The following CCDC178 variants were observed in gnomAD, a reference collection of about 807,000 sequenced individuals.
CCDC178 encodes coiled-coil domain containing 178.
A neutral mutation model predicts 117.4 loss-of-function variants in CCDC178; 126 were observed. That is an observed-to-expected ratio of 1.07 (90% CI 0.93 to 1.24). The LOEUF (loss-of-function observed/expected upper bound fraction) is 1.24. Ranked by LOEUF, CCDC178 falls within the 50% of genes most tolerant of loss-of-function variation. CCDC178 has a pLI of 0.00. For synonymous variants in CCDC178, 283 were observed against 313.4 expected, an observed-to-expected ratio of 0.90 and a Z score of 1.02; for missense variants, 1,030 against 986.9, an observed-to-expected ratio of 1.04 and a Z score of -0.59.
chr18:33,310,468 G>A (rs2062325307), intron 11 of CCDC178, among the ~76,000 whole-genome samples: 2 of 152,078 alleles, frequency 1.3e-5, no homozygotes, highest in Non-Finnish European at 2.9e-5. Flanking sequence ...AGGGTAGATT[G>A]CTTGAGCCCA....
intron 11 of CCDC178, among the ~76,000 whole-genome samples, chr18:33,309,609 C>A (rs1240800138): frequency 6.6e-6 from 1 of 152,034 alleles, no homozygotes; most frequent in Non-Finnish European, 1.5e-5. Flanking sequence ...CTATAAAATG[C>A]CGACATCTGA....
At chr18:33,362,308 A>T (rs1443295980) in intron 6 of CCDC178, among the ~76,000 whole-genome samples, 1 of 151,742 alleles carries the variant, frequency 6.6e-6, no homozygotes, top group Non-Finnish European at 1.5e-5. Flanking sequence ...ACACAGAAAA[A>T]TGTTGCATGA....
intron 12 of CCDC178, among the ~76,000 whole-genome samples, chr18:33,276,112 A>G (rs184473323): frequency 1.2e-3 from 190 of 152,172 alleles, no homozygotes; most frequent in African/African-American, 4.5e-3. Context: ...ACATGATGTT[A>G]GGCATGGAAA....
chr18:33,059,301 T>A (rs1266416386), intron 21 of CCDC178, among the ~76,000 whole-genome samples: 1 of 152,160 alleles, frequency 6.6e-6, no homozygotes, highest in East Asian at 1.9e-4. Flanking sequence ...CCCCGATTAG[T>A]AGCTCTGCCT....
At chr18:33,141,532 T>C (rs143597795) in intron 20 of CCDC178, among the ~76,000 whole-genome samples, 4 of 152,354 alleles carry the variant, frequency 2.6e-5, no homozygotes, top group Non-Finnish European at 5.9e-5. Context: ...CACTGCTCAC[T>C]GCTCAAGGTT....
chr18:32,967,858 GT>G (rs557982093), intron 22 of CCDC178, among the ~76,000 whole-genome samples: 1,570 of 132,100 alleles, frequency 0.012, 23 homozygotes, highest in African/African-American at 0.034. Flanking sequence ...ATATACTTTT[GT>G]TTTTTTTTTT....
intron 11 of CCDC178, among the ~76,000 whole-genome samples, chr18:33,307,344 G>T (rs1795935152): frequency 6.6e-6 from 1 of 152,198 alleles, no homozygotes; most frequent in African/African-American, 2.4e-5. Context: ...ACATTTTGGG[G>T]ATTGGAGCAA....
At chr18:33,433,456 T>G (rs1321893029) in intron 2 of CCDC178, among the ~76,000 whole-genome samples, 1 of 152,134 alleles carries the variant, frequency 6.6e-6, no homozygotes, top group Non-Finnish European at 1.5e-5. Flanking sequence ...CTAGAGGCCT[T>G]CAAACACTAA....
intron 1 of CCDC178, chr18:33,440,369 T>A (rs1174981146): frequency 1.2e-5 from 1 of 84,080 alleles, no homozygotes; most frequent in African/African-American, 4.8e-5. Flanking sequence ...ACTGGGAAAC[T>A]GGAGGACGGA....
At chr18:33,004,823 CAAAA>C (rs373903044) in intron 21 of CCDC178, among the ~76,000 whole-genome samples, 104 of 152,182 alleles carry the variant, frequency 6.8e-4, no homozygotes, top group African/African-American at 2.2e-3. Flanking sequence ...AGGCATGTCT[CAAAA>C]GAAGGCATAT....
intron 12 of CCDC178, among the ~76,000 whole-genome samples, chr18:33,273,783 A>C (rs4570945): frequency 0.83 from 125,620 of 151,596 alleles, 52,883 homozygotes; most frequent in South Asian, 0.93. Context: ...AAACATAGAT[A>C]TAAGTCTTTG....
At chr18:32,977,185 G>A (rs2055045785) in intron 21 of CCDC178, among the ~76,000 whole-genome samples, 1 of 152,036 alleles carries the variant, frequency 6.6e-6, no homozygotes, top group South Asian at 2.1e-4. Context: ...ATTTTAAAGA[G>A]GTTAACTTGC....
At chr18:33,365,718 C>G (rs985793835) in intron 6 of CCDC178, among the ~76,000 whole-genome samples, 1 of 151,892 alleles carries the variant, frequency 6.6e-6, no homozygotes, top group Non-Finnish European at 1.5e-5. Context: ...ACAGTAGCAT[C>G]CTAATGACTG....
At chr18:33,106,976 G>A (rs960593128) in intron 20 of CCDC178, among the ~76,000 whole-genome samples, 1 of 151,644 alleles carries the variant, frequency 6.6e-6, no homozygotes, top group African/African-American at 2.4e-5. Context: ...ACGAACAATT[G>A]CAAGAAATTG....
Position 32,938,006 on chromosome 18 carries a change from T to C in CCDC178, c.*5A>G, listed in dbSNP as rs1180647748. 1.2e-6 allele frequency: 2 copies of C among 1,605,632 alleles called. No individual in the cohort carries two copies. Among genetic ancestry groups the C allele is most frequent in the East Asian group, 2.2e-5 (1 of 44,818 alleles). ...TTCAGCATCCAAGATACATTGGTTG[T>C]TTGCTTAACCATCGTTTTCGCATGT... On this transcript the variant is annotated 3_prime_UTR_variant, in exon 23 of 23. Transcript: ENST00000383096.
At chr18:33,418,701 C>T (rs1169658395) in intron 2 of CCDC178, among the ~76,000 whole-genome samples, 2 of 152,022 alleles carry the variant, frequency 1.3e-5, no homozygotes. Flanking sequence ...ACCAACAACA[C>T]CCCAGCTGAA....
intron 11 of CCDC178, among the ~76,000 whole-genome samples, chr18:33,306,027 A>C (rs2062243279): frequency 6.6e-6 from 1 of 152,174 alleles, no homozygotes; most frequent in African/African-American, 2.4e-5. Flanking sequence ...ATTAACCTGC[A>C]ACTACAGAAT....
intron 9 of CCDC178, among the ~76,000 whole-genome samples, chr18:33,337,607 A>C (rs1478689366): frequency 2.0e-5 from 3 of 152,068 alleles, no homozygotes; most frequent in Non-Finnish European, 4.4e-5. Context: ...AAATAAGCCA[A>C]ATACAGCTAA....
chr18:33,040,758 C>G (rs546763032), intron 21 of CCDC178, among the ~76,000 whole-genome samples: 8 of 151,872 alleles, frequency 5.3e-5, no homozygotes, highest in Non-Finnish European at 1.2e-4. Context: ...CCAAATTGTT[C>G]CCCTAGTATC....
Sources: gnomAD v4.1 joint callset for allele counts (sites outside exome capture counted in the v4.1 genomes callset) on GRCh38, gnomAD v4.1.1 for gene constraint, MANE v1.5 for transcripts, NCBI Gene and HGNC (gene_info 2026-07-23, HGNC 2026-07-21) for gene names.